The following KDM7A variants were observed in gnomAD, a reference collection of about 807,000 sequenced individuals.
KDM7A encodes the protein lysine demethylase 7A, also known as lysine-specific demethylase 7A.
In KDM7A, 28 loss-of-function variants were observed where a neutral mutation model predicts 114.8. The ratio of observed to expected loss-of-function variants is 0.24; its 90% confidence interval spans 0.18 to 0.33. The LOEUF is 0.33. Ranked by LOEUF, KDM7A falls within the 10% of genes least tolerant of loss-of-function variation. KDM7A has a pLI of 1.00. For synonymous variants in KDM7A, 423 were observed against 397.8 expected (o/e 1.06, Z -0.75); for missense variants, 942 against 1,142.5 (o/e 0.82, Z 2.53).
chr7:140,139,925 TG>T (rs1405422012), intron 1 of KDM7A, among the ~76,000 whole-genome samples: 1 of 152,176 alleles, frequency 6.6e-6, no homozygotes, highest in African/African-American at 2.4e-5. Flanking sequence ...ATATTAGATA[TG>T]GGCAAACCTG....
intron 9 of KDM7A, among the ~76,000 whole-genome samples, chr7:140,116,305 C>T (rs1327002610): frequency 6.6e-6 from 1 of 151,634 alleles, no homozygotes. Flanking sequence ...ACAGAATACT[C>T]TAGCAATGAA....
intron 14 of KDM7A, 25 bp from the exon 15 acceptor site, chr7:140,097,667 AAAAGAG>A: frequency 1.5e-6 from 2 of 1,349,112 alleles, no homozygotes; most frequent in South Asian, 2.4e-5. Flanking sequence ...AAGGATGAGA[AAAAGAG>A]AAAGTCATTT....
intron 10 of KDM7A, 127 bp downstream of exon 10, chr7:140,113,364 A>AT: frequency 2.0e-6 from 1 of 497,738 alleles, no homozygotes; most frequent in Non-Finnish European, 3.6e-6. Context: ...TGCAGGTTGT[A>AT]TATAAAGGCA....
Position 140,129,268 on chromosome 7 carries a change from C to T in KDM7A, c.559+225G>A, listed in dbSNP as rs140918169. Among the ~76,000 whole-genome samples the T allele has an allele frequency of 1.4e-4, 22 of 152,270 alleles. No individual in the cohort carries two copies. In the East Asian group the frequency reaches 4.2e-3, roughly 29 times the overall value. ...AACTTAATGGCACAAAAGAAAGCAG[C>T]AGGATGAAGCTGAGTAAATAAAATC... On this transcript the variant is annotated intron_variant, in intron 4 of 19. Transcript: ENST00000397560.
chr7:140,103,804 A>G (rs1433257907), intron 11 of KDM7A, among the ~76,000 whole-genome samples: 8 of 152,210 alleles, frequency 5.3e-5, no homozygotes, highest in African/African-American at 1.9e-4. Flanking sequence ...AGCATGACTT[A>G]TAATCCTTTG....
Position 140,176,732 on chromosome 7 carries a change from G to T in KDM7A, c.194+12C>A. 1 of 1,314,052 alleles carries T rather than the reference G, an allele frequency of 7.6e-7. No homozygotes were observed. The highest frequency in any genetic ancestry group is 1.0e-6 in the Non-Finnish European group (1 of 1,003,184). 81.4% of individuals were successfully genotyped at this position (1,314,052 alleles called of 1,614,324 possible). Reference sequence around the variant, plus strand: ...GCGGTGGCGGCTGCGGGGCTGGAGGGGGTTTATTTACCTGCCGTGGAACCA... The same window carrying T: ...GCGGTGGCGGCTGCGGGGCTGGAGGTGGTTTATTTACCTGCCGTGGAACCA... On this transcript the variant is annotated intron_variant, in intron 1 of 19. Transcript: ENST00000397560. The surrounding 1 kb of genome is among the most constrained non-coding windows in gnomAD (Gnocchi z 4.4).
Position 140,130,557 on chromosome 7 carries a change from G to A in KDM7A, c.399-904C>T, listed in dbSNP as rs180906716. Among the ~76,000 whole-genome samples, 352 of 149,400 alleles carry A rather than the reference G, an allele frequency of 2.4e-3. 1 individual carries two copies. Among genetic ancestry groups the A allele is most frequent in the Admixed American group, 6.0e-3 (91 of 15,046 alleles). ...AATCGCTTGAACCTGGGAGACGGAG[G>A]TTGCAGTGAGCCGAGATCTCACCAT... On this transcript the variant is annotated intron_variant, in intron 3 of 19. Coordinates refer to ENST00000397560, the MANE Select transcript of KDM7A (RefSeq NM_030647.2).
At chr7:140,113,808 T>C (rs1818470117) in intron 9 of KDM7A, among the ~76,000 whole-genome samples, 1 of 152,168 alleles carries the variant, frequency 6.6e-6, no homozygotes, top group South Asian at 2.1e-4. Flanking sequence ...GGCCATTTCA[T>C]TGGATTTAAT....
intron 7 of KDM7A, among the ~76,000 whole-genome samples, chr7:140,122,114 AG>A (rs1270068517): frequency 6.6e-6 from 1 of 152,204 alleles, no homozygotes; most frequent in African/African-American, 2.4e-5. Context: ...CTGATATTCC[AG>A]GAAGTATCAG....
chr7:140,148,567 T>G (rs1262919469), intron 1 of KDM7A, among the ~76,000 whole-genome samples: 1 of 152,186 alleles, frequency 6.6e-6, no homozygotes, highest in Non-Finnish European at 1.5e-5. Flanking sequence ...TAAGGCTTAT[T>G]AATTGGCTTA....
chr7:140,094,264 G>C, intron 17 of KDM7A, 126 bp from the exon 18 acceptor site: 1 of 694,754 alleles, frequency 1.4e-6, no homozygotes, highest in Non-Finnish European at 2.6e-6. Flanking sequence ...CAACACTTTG[G>C]GAGGCCAAGG....
rs769521795 is a variant in KDM7A, at chr7:140,094,079, C to G, written c.2434G>C (p.Asp812His). ...LRTSSWIKQFDTSRFHPQDLS... is the reference protein window; with the variant it reads ...LRTSSWIKQFHTSRFHPQDLS... ...ACCTGAGGATGAAATCTGGAAGTAT[C>G]AAACTGTTTAATCCAGGAGGAAGTC... Residue 812 changes from aspartate (D) to histidine (H), a missense_variant, in exon 18 of 20, where the codon GAT becomes CAT. Coordinates refer to ENST00000397560, the MANE Select transcript of KDM7A (RefSeq NM_030647.2). The G allele has an allele frequency of 1.0e-5, 16 of 1,594,154 alleles. No individual in the cohort carries two copies. Among genetic ancestry groups the G allele is most frequent in the Middle Eastern group, 1.7e-4 (1 of 6,036 alleles).
intron 1 of KDM7A, among the ~76,000 whole-genome samples, chr7:140,159,999 AATC>A (rs1385995679): frequency 6.6e-6 from 1 of 151,734 alleles, no homozygotes; most frequent in African/African-American, 2.4e-5. Flanking sequence ...CTAGCCTATC[AATC>A]ATCATTACCC....
In KDM7A at chr7:140,088,271, C is replaced by T. The variant is rs1817966302; in HGVS notation, c.*2823G>A. ...ACTTTATATTGTTTACATCACTCAT[C>T]AATATTGAAAAGCATAATATTATGT... On this transcript the variant is annotated 3_prime_UTR_variant, in exon 20 of 20. Transcript: ENST00000397560. 1 of 366,766 alleles carries T rather than the reference C, an allele frequency of 2.7e-6. No individual in the cohort carries two copies. The highest frequency in any genetic ancestry group is 2.1e-5 in the African/African-American group (1 of 47,810). 22.7% of individuals were successfully genotyped at this position (366,766 alleles called of 1,614,324 possible). A position where few individuals can be genotyped will look rare whatever the true frequency, so the allele number is the denominator to read the frequency against.
intron 2 of KDM7A, among the ~76,000 whole-genome samples, chr7:140,135,637 T>C (rs1044734285): frequency 6.6e-6 from 1 of 152,216 alleles, no homozygotes; most frequent in Non-Finnish European, 1.5e-5. Flanking sequence ...CATATTATAA[T>C]CATTTTTTGA....
intron 1 of KDM7A, among the ~76,000 whole-genome samples, chr7:140,164,390 T>C (rs1001663499): frequency 2.4e-4 from 36 of 152,282 alleles, no homozygotes; most frequent in African/African-American, 8.4e-4. Flanking sequence ...GAATGTTTAG[T>C]AGCATCCCTG....
At position 140,127,444 on chromosome 7, in the gene KDM7A, T is replaced by A; in HGVS notation, c.699A>T (p.Thr233=). 1.9e-6 allele frequency: 3 copies of A among 1,612,732 alleles called. No homozygotes were observed. The highest frequency in any genetic ancestry group is 1.7e-6 in the Non-Finnish European group (2 of 1,179,354). The change falls in exon 5 of 20, where the codon ACA becomes ACT. Residue 233 remains threonine (T), a splice_region_variant and synonymous_variant. Transcript: ENST00000397560. ...CCAAAATACCCAGAACTACTCACTT[T>A]GTATCTGAAAATTCAAGGCTGATCA... The part of the protein sequence containing the change: ...LNVISLEFSD[T]KMSELVEVPD...
At chr7:140,141,930 A>G (rs1794286521) in intron 1 of KDM7A, among the ~76,000 whole-genome samples, 1 of 150,638 alleles carries the variant, frequency 6.6e-6, no homozygotes, top group Non-Finnish European at 1.5e-5. Context: ...GTTAAGATAA[A>G]AAGAAACACA....
At position 140,176,142 on chromosome 7, in the gene KDM7A, C is replaced by T. The variant is rs1794703471; in HGVS notation, c.194+602G>A. Among the ~76,000 whole-genome samples, 1 of 151,788 alleles carries T rather than the reference C, an allele frequency of 6.6e-6. No individual in the cohort carries two copies. On this transcript the variant is annotated intron_variant, in intron 1 of 19. Coordinates refer to ENST00000397560, the MANE Select transcript of KDM7A (RefSeq NM_030647.2). The surrounding 1 kb of genome is among the most constrained non-coding windows in gnomAD (Gnocchi z 4.4). The stretch of plus-strand genomic sequence containing the variant: ...CGCGGAGCCCCGCCGAGCTGGCTGG[C>T]GCGGTCGCCTCTCCGGCCCGCCGCT...
Sources: allele counts gnomAD v4.1 joint callset (sites outside exome capture counted in the v4.1 genomes callset), GRCh38; gene constraint gnomAD v4.1.1; non-coding constraint Gnocchi (gnomAD v3.1); transcripts MANE v1.5; gene names NCBI Gene and HGNC (gene_info 2026-07-23, HGNC 2026-07-21).